The following ASTN1 variants were observed in gnomAD, a reference collection of about 807,000 sequenced individuals.
ASTN1 encodes astrotactin-1.
ASTN1 carries 41 observed loss-of-function variants against 140.7 expected under a neutral mutation model. The observed-to-expected ratio is 0.29, with a 90% CI of 0.23 to 0.38. The LOEUF is 0.38. ASTN1 is among the 10% of genes least tolerant of loss of function. The pLI, the probability that ASTN1 is intolerant of heterozygous loss-of-function variation, is 1.00. For synonymous variants in ASTN1, 640 were observed against 652.2 expected (o/e 0.98, Z 0.29); for missense variants, 1,479 against 1,678.8 (o/e 0.88, Z 2.08).
intron 2 of ASTN1, among the ~76,000 whole-genome samples, chr1:177,047,853 C>G (rs924934267): frequency 2.0e-5 from 3 of 152,170 alleles, no homozygotes; most frequent in African/African-American, 7.2e-5. Context: ...TGAAATCCAT[C>G]TGTCCCTAAA....
intron 16 of ASTN1, among the ~76,000 whole-genome samples, chr1:176,925,692 A>G (rs1053012802): frequency 6.6e-6 from 1 of 152,122 alleles, no homozygotes; most frequent in Admixed American, 6.5e-5. Flanking sequence ...CCTGGCTTCA[A>G]TTATTTCTTA....
intron 1 of ASTN1, among the ~76,000 whole-genome samples, chr1:177,063,146 G>A (rs996070269): frequency 6.6e-6 from 1 of 152,162 alleles, no homozygotes; most frequent in South Asian, 2.1e-4. Flanking sequence ...TCCGCTAAGG[G>A]TAGGGCAATT....
intron 16 of ASTN1, among the ~76,000 whole-genome samples, chr1:176,919,381 G>C (rs997400785): frequency 6.6e-6 from 1 of 152,152 alleles, no homozygotes; most frequent in Non-Finnish European, 1.5e-5. Context: ...TGCAGGACAC[G>C]TGCTCAATAC....
At chr1:176,996,566 A>T (rs1180425304) in intron 8 of ASTN1, among the ~76,000 whole-genome samples, 1 of 152,156 alleles carries the variant, frequency 6.6e-6, no homozygotes, top group African/African-American at 2.4e-5. Flanking sequence ...TTGCGATAGC[A>T]TCACCAGCCC....
intron 18 of ASTN1, 51 bp downstream of exon 18, chr1:176,888,020 G>A (rs774634974): frequency 6.2e-6 from 10 of 1,607,650 alleles, no homozygotes; most frequent in Admixed American, 1.7e-5. Context: ...AATAGTAGAC[G>A]CTCATTATCT....
At chr1:177,059,989 T>C (rs891270973) in intron 2 of ASTN1, among the ~76,000 whole-genome samples, 3 of 152,224 alleles carry the variant, frequency 2.0e-5, no homozygotes, top group African/African-American at 4.8e-5. Flanking sequence ...ACAATATCAA[T>C]ACATAAAATA....
At chr1:177,109,602 T>A (rs1193745706) in intron 1 of ASTN1, among the ~76,000 whole-genome samples, 1 of 152,158 alleles carries the variant, frequency 6.6e-6, no homozygotes. Flanking sequence ...AACACAAGAC[T>A]TAGGTTAGAT....
chr1:176,894,146 G>A (rs536331167), intron 17 of ASTN1, among the ~76,000 whole-genome samples: 2 of 152,260 alleles, frequency 1.3e-5, no homozygotes, highest in East Asian at 3.9e-4. Flanking sequence ...TCCAGCTGCA[G>A]CTGGGCCAGG....
intron 7 of ASTN1, among the ~76,000 whole-genome samples, chr1:177,022,812 T>C (rs1388753239): frequency 6.6e-6 from 1 of 152,178 alleles, no homozygotes; most frequent in Non-Finnish European, 1.5e-5. Context: ...TACAACGGAA[T>C]ACCAAATGGC....
At position 177,063,610 on chromosome 1, in the gene ASTN1, G is replaced by A. The variant is rs546530522; in HGVS notation, c.284-2345C>T. Among the ~76,000 whole-genome samples, 28 of 152,208 alleles carry A rather than the reference G, an allele frequency of 1.8e-4. No individual in the cohort carries two copies. The South Asian group carries it at 2.5e-3, about 14-fold the overall frequency. ...TGCATGGTTGGAGCAGCAGTTACCC[G>A]CAGCTCTTCAGAGGAGGCCTGACAA... On this transcript the variant is annotated intron_variant, in intron 1 of 22. Coordinates refer to ENST00000361833, the MANE Select transcript of ASTN1 (RefSeq NM_004319.3).
In ASTN1 at chr1:177,026,039, C is replaced by T. The variant is rs778945328; in HGVS notation, c.1121-1307G>A. The stretch of plus-strand genomic sequence containing the variant: ...AACAATGCACTACTCAGTCTTTGGG[C>T]CCAGTGGTGCCTTTGGAACTGATGT... On this transcript the variant is annotated intron_variant, in intron 5 of 22. Coordinates refer to ENST00000361833, the MANE Select transcript of ASTN1 (RefSeq NM_004319.3). Among the ~76,000 whole-genome samples the T allele has an allele frequency of 3.9e-5, 6 of 152,076 alleles. No homozygotes were observed. In the East Asian group the frequency reaches 9.7e-4, roughly 25 times the overall value.
chr1:176,975,402 A>G (rs746667312), intron 8 of ASTN1, among the ~76,000 whole-genome samples: 1 of 152,260 alleles, frequency 6.6e-6, no homozygotes, highest in Non-Finnish European at 1.5e-5. Flanking sequence ...GATTTCTCCC[A>G]CACCTTGCTC....
At chr1:176,932,097 G>A (rs186715573) in intron 16 of ASTN1, among the ~76,000 whole-genome samples, 5 of 152,120 alleles carry the variant, frequency 3.3e-5, no homozygotes, top group Non-Finnish European at 5.9e-5. Flanking sequence ...TTTCACACTG[G>A]TAAACTTCCT....
At chr1:177,163,964 T>C (rs1477714529) in intron 1 of ASTN1, among the ~76,000 whole-genome samples, 7 of 152,010 alleles carry the variant, frequency 4.6e-5, no homozygotes, top group Non-Finnish European at 4.4e-5. Context: ...CCCCAGGAAG[T>C]GCTGTAGGTG....
In ASTN1 at chr1:177,003,410, G is replaced by A. The variant is rs559335658; in HGVS notation, c.1523+11381C>T. Among the ~76,000 whole-genome samples, 6 of 152,238 alleles carry A rather than the reference G, an allele frequency of 3.9e-5. No individual in the cohort carries two copies. In the East Asian group the frequency reaches 1.2e-3, roughly 29 times the overall value. Reference sequence around the variant, plus strand: ...CAAAAGCCATATGAGCAACTCAATAGATGCAGAAAAAATTTGATAAAATTT... The same window carrying A: ...CAAAAGCCATATGAGCAACTCAATAAATGCAGAAAAAATTTGATAAAATTT... On this transcript the variant is annotated intron_variant, in intron 8 of 22. Coordinates refer to ENST00000361833, the MANE Select transcript of ASTN1 (RefSeq NM_004319.3).
chr1:177,138,413 T>C (rs1682298545), intron 1 of ASTN1, among the ~76,000 whole-genome samples: 1 of 152,202 alleles, frequency 6.6e-6, no homozygotes, highest in Non-Finnish European at 1.5e-5. Context: ...ATTAATTACA[T>C]CGGATACTTC....
chr1:176,942,859 T>C (rs868493676), intron 14 of ASTN1, among the ~76,000 whole-genome samples: 92 of 104,112 alleles, frequency 8.8e-4, no homozygotes, highest in Non-Finnish European at 1.5e-3. Flanking sequence ...TATATATATA[T>C]ATATATAGAT....
At chr1:177,069,640 A>G (rs1469130696) in intron 1 of ASTN1, among the ~76,000 whole-genome samples, 1 of 152,178 alleles carries the variant, frequency 6.6e-6, no homozygotes, top group Non-Finnish European at 1.5e-5. Flanking sequence ...CTACATGAAC[A>G]TTCTATTTAC....
At chr1:176,909,801 T>C (rs1412370605) in intron 16 of ASTN1, among the ~76,000 whole-genome samples, 2 of 152,180 alleles carry the variant, frequency 1.3e-5, no homozygotes, top group Non-Finnish European at 2.9e-5. Flanking sequence ...TAGGTATCAG[T>C]AAGACCCTGG....
Sources: gnomAD v4.1 joint callset for allele counts (sites outside exome capture counted in the v4.1 genomes callset) on GRCh38, gnomAD v4.1.1 for gene constraint, MANE v1.5 for transcripts, NCBI Gene and HGNC (gene_info 2026-07-23, HGNC 2026-07-21) for gene names.